SYNDIG1: variants seen among roughly 807,000 people sequenced by gnomAD.
SYNDIG1 encodes synapse differentiation-inducing gene protein 1.
In SYNDIG1, 9 loss-of-function variants were observed where a neutral mutation model predicts 19.4. The observed-to-expected ratio is 0.46, with a 90% CI of 0.28 to 0.81. The LOEUF (loss-of-function observed/expected upper bound fraction) is 0.81, where lower values mean the gene tolerates loss of function less well. SYNDIG1 is among the 30% of genes least tolerant of loss of function. The probability of loss-of-function intolerance (pLI) is 0.12; values close to 1 mark genes in which losing one functional copy is unlikely to be tolerated. For synonymous variants in SYNDIG1, 141 were observed against 145.9 expected (o/e 0.97, Z 0.24); for missense variants, 311 against 343.3 (o/e 0.91, Z 0.74).
intron 3 of SYNDIG1, among the ~76,000 whole-genome samples, chr20:24,597,751 G>A (rs2058619179): frequency 6.6e-6 from 1 of 152,152 alleles, no homozygotes; most frequent in Non-Finnish European, 1.5e-5. Flanking sequence ...AGGAGGCAGG[G>A]CAACATCTGA....
chr20:24,497,043 A>C (rs1031806873), intron 1 of SYNDIG1, among the ~76,000 whole-genome samples: 2 of 152,316 alleles, frequency 1.3e-5, no homozygotes, highest in African/African-American at 4.8e-5. Flanking sequence ...TTGCTAGCTC[A>C]TATCTATCTT....
chr20:24,540,839 G>T (rs879178477), intron 1 of SYNDIG1, among the ~76,000 whole-genome samples: 1 of 152,072 alleles, frequency 6.6e-6, no homozygotes, highest in Admixed American at 6.5e-5. Flanking sequence ...TGTTCATAAG[G>T]CATATGGGTC....
chr20:24,582,631 G>A (rs2058349566), intron 2 of SYNDIG1, among the ~76,000 whole-genome samples: 1 of 151,930 alleles, frequency 6.6e-6, no homozygotes, highest in Non-Finnish European at 1.5e-5. Flanking sequence ...GGACAGGCTG[G>A]GGCCTCACAA....
intron 3 of SYNDIG1, among the ~76,000 whole-genome samples, chr20:24,639,317 G>A (rs1019107007): frequency 1.3e-5 from 2 of 152,276 alleles, no homozygotes; most frequent in African/African-American, 4.8e-5. Flanking sequence ...TGGGGGCTTC[G>A]TATGTGACAG....
chr20:24,635,927 A>AG (rs1240693077), intron 3 of SYNDIG1, among the ~76,000 whole-genome samples: 2 of 152,196 alleles, frequency 1.3e-5, no homozygotes, highest in Non-Finnish European at 2.9e-5. Context: ...CACTTTCTGT[A>AG]TCTCAATGTT....
In SYNDIG1 at chr20:24,591,232, T is replaced by A. The variant is rs1049030045; in HGVS notation, c.618+6239T>A. On this transcript the variant is annotated intron_variant, in intron 3 of 3. Transcript: ENST00000376862. ...AACAGACCCCATGTATACAAAAATTTTAAAAAAAAAAATTAGCTGAGCGTG... is the reference window on the plus strand; with the variant it reads ...AACAGACCCCATGTATACAAAAATTATAAAAAAAAAAATTAGCTGAGCGTG... Among the ~76,000 whole-genome samples, 51 of 150,498 alleles carry A rather than the reference T, an allele frequency of 3.4e-4. 1 individual carries two copies. In the East Asian group the frequency reaches 6.9e-3, roughly 20 times the overall value.
At chr20:24,546,849 A>G (rs1179342200) in intron 2 of SYNDIG1, among the ~76,000 whole-genome samples, 2 of 152,146 alleles carry the variant, frequency 1.3e-5, no homozygotes, top group Non-Finnish European at 2.9e-5. Flanking sequence ...AACAGTGAAT[A>G]CTGATCTGAG....
chr20:24,625,338 C>G (rs1473476891), intron 3 of SYNDIG1, among the ~76,000 whole-genome samples: 1 of 148,438 alleles, frequency 6.7e-6, no homozygotes, highest in Non-Finnish European at 1.5e-5. Flanking sequence ...CACAAATTAT[C>G]AATATCATGA....
At chr20:24,518,858 A>T (rs1051640848) in intron 1 of SYNDIG1, among the ~76,000 whole-genome samples, 4 of 152,244 alleles carry the variant, frequency 2.6e-5, no homozygotes, top group Non-Finnish European at 4.4e-5. Flanking sequence ...TCCTGGTGAC[A>T]ACAACGAGGA....
intron 1 of SYNDIG1, among the ~76,000 whole-genome samples, chr20:24,487,077 G>A (rs995114183): frequency 6.6e-6 from 1 of 151,054 alleles, no homozygotes; most frequent in South Asian, 2.1e-4. Flanking sequence ...GATGTGGGGT[G>A]GGGGGTATTT....
intron 1 of SYNDIG1, among the ~76,000 whole-genome samples, chr20:24,494,965 G>A (rs2146335137): frequency 6.6e-6 from 1 of 152,294 alleles, no homozygotes; most frequent in Admixed American, 6.5e-5. Context: ...CCAGGTCCAG[G>A]GTTCTCATTC....
At chr20:24,582,362 C>T (rs1201030189) in intron 2 of SYNDIG1, among the ~76,000 whole-genome samples, 1 of 130,534 alleles carries the variant, frequency 7.7e-6, no homozygotes, top group South Asian at 2.7e-4. Flanking sequence ...CATGGCCTTC[C>T]CCTTGCATGG....
chr20:24,633,924 CA>C (rs1439788615), intron 3 of SYNDIG1, among the ~76,000 whole-genome samples: 1 of 152,228 alleles, frequency 6.6e-6, no homozygotes, highest in Non-Finnish European at 1.5e-5. Flanking sequence ...CCTGCCCTCC[CA>C]GGTCACCTGC....
chr20:24,526,572 G>C (rs57928728), intron 1 of SYNDIG1, among the ~76,000 whole-genome samples: 5 of 152,018 alleles, frequency 3.3e-5, no homozygotes, highest in African/African-American at 1.2e-4. Context: ...TATATATAGA[G>C]AGAGAGATAT....
At chr20:24,663,686 G>A (rs2059623866) in intron 3 of SYNDIG1, among the ~76,000 whole-genome samples, 1 of 152,296 alleles carries the variant, frequency 6.6e-6, no homozygotes, top group Non-Finnish European at 1.5e-5. Context: ...CGGGAAGCCC[G>A]GCATGGGTGT....
chr20:24,584,635 T>C (rs1435896686), intron 2 of SYNDIG1, among the ~76,000 whole-genome samples: 1 of 152,224 alleles, frequency 6.6e-6, no homozygotes, highest in African/African-American at 2.4e-5. Context: ...CTTGGCATTA[T>C]TATTTTCCTG....
intron 3 of SYNDIG1, among the ~76,000 whole-genome samples, chr20:24,627,357 G>A (rs1335399656): frequency 6.6e-6 from 1 of 152,154 alleles, no homozygotes; most frequent in Non-Finnish European, 1.5e-5. Context: ...GTGGTTCTCA[G>A]TCTTATCTAC....
At chr20:24,652,172 C>T (rs2059480153) in intron 3 of SYNDIG1, among the ~76,000 whole-genome samples, 2 of 152,192 alleles carry the variant, frequency 1.3e-5, no homozygotes, top group African/African-American at 2.4e-5. Context: ...CATGAGCACT[C>T]GGGTTGCATC....
At chr20:24,578,550 G>A (rs116290465) in intron 2 of SYNDIG1, among the ~76,000 whole-genome samples, 376 of 152,344 alleles carry the variant, frequency 2.5e-3, no homozygotes, top group African/African-American at 8.8e-3. Context: ...AGCAGGCTGG[G>A]GTTAGAGGGG....
Sources: allele counts gnomAD v4.1 joint callset (sites outside exome capture counted in the v4.1 genomes callset), GRCh38; gene constraint gnomAD v4.1.1; transcripts MANE v1.5; gene names NCBI Gene and HGNC (gene_info 2026-07-23, HGNC 2026-07-21).